NOL6: variants seen among roughly 807,000 people sequenced by gnomAD.
NOL6 encodes nucleolar protein 6.
A neutral mutation model predicts 131.7 loss-of-function variants in NOL6; 33 were observed. That is an observed-to-expected ratio of 0.25 (90% CI 0.19 to 0.33). The LOEUF (loss-of-function observed/expected upper bound fraction) is 0.33, where lower values mean the gene tolerates loss of function less well. Ranked by LOEUF, NOL6 falls within the 10% of genes least tolerant of loss-of-function variation. The probability of loss-of-function intolerance (pLI) is 1.00; values close to 1 mark genes in which losing one functional copy is unlikely to be tolerated. For missense variants in NOL6, 1,297 were observed against 1,494.5 expected, an observed-to-expected ratio of 0.87 and a Z score of 2.18; for synonymous variants, 580 against 605.7, an observed-to-expected ratio of 0.96 and a Z score of 0.62.
Position 33,463,878 on chromosome 9 carries a change from T to C in NOL6, c.2947A>G (p.Met983Val). 6.2e-7 allele frequency: 1 copy of C among 1,614,098 alleles called. No homozygotes were observed. Among genetic ancestry groups the C allele is most frequent in the Non-Finnish European group, 8.5e-7 (1 of 1,180,016 alleles). The change falls in exon 23 of 26, where the codon ATG (methionine) becomes GTG (valine). Residue 983 changes from methionine to valine, a missense_variant. Transcript: ENST00000297990. ...LVVLAAEALPMLEKQLMDPRG... is the reference protein window; with the variant it reads ...LVVLAAEALPVLEKQLMDPRG... ...GGATCCATGAGCTGCTTCTCTAACA[T>C]GGGCAGGGCTTCAGCTGCCAGGACC... is the stretch of plus-strand genomic sequence containing the variant.
Position 33,468,821 on chromosome 9 carries a change from C to A in NOL6, c.1078G>T (p.Val360Leu). Residue 360 changes from valine to leucine, a missense_variant, in exon 8 of 26, where the codon GTG becomes TTG. Transcript: ENST00000297990. ...FLVSMLVVFL[V>L]STRKIHTTMS... The stretch of plus-strand genomic sequence containing the variant: ...GTGGTATGGATCTTGCGTGTAGACA[C>A]AAGGAAGACAACCAGCATGGAGACA... The A allele has an allele frequency of 6.2e-7, 1 of 1,614,116 alleles. No individual in the cohort carries two copies. Among genetic ancestry groups the A allele is most frequent in the Non-Finnish European group, 8.5e-7 (1 of 1,179,998 alleles).
rs547472032 is a variant in NOL6 at position 33,473,880 on chromosome 9, A to T, written c.-38T>A. Reference sequence around the variant, plus strand: ...AGCACTCTCCCGCACTTCAGATTCTAGCCGGGTCTATACCTCATAGCTTCC... The same window carrying T: ...AGCACTCTCCCGCACTTCAGATTCTTGCCGGGTCTATACCTCATAGCTTCC... On this transcript the variant is annotated 5_prime_UTR_variant, in exon 1 of 26. It removes the in-frame stop codon of an upstream open reading frame in the 5' UTR. Coordinates refer to ENST00000297990, the MANE Select transcript of NOL6 (RefSeq NM_022917.5). 1.2e-6 allele frequency: 2 copies of T among 1,608,476 alleles called. No individual in the cohort carries two copies. Among genetic ancestry groups the T allele is most frequent in the African/African-American group, 2.7e-5 (2 of 75,056 alleles).
chr9:33,464,789 A>T, intron 21 of NOL6, 90 bp downstream of exon 21: 1 of 897,678 alleles, frequency 1.1e-6, no homozygotes, highest in Non-Finnish European at 1.8e-6. Flanking sequence ...GGGGAGGCAC[A>T]GAGAAAACCT....
Position 33,461,853 on chromosome 9 carries a change from G to T in NOL6, c.*811C>A. 1 of 315,206 alleles carries T rather than the reference G, an allele frequency of 3.2e-6. No individual in the cohort carries two copies. The highest frequency in any genetic ancestry group is 6.0e-6 in the Non-Finnish European group (1 of 167,524). The allele number at this position is 315,206 out of a possible 1,614,324, so 19.5% of individuals were successfully genotyped here. The stretch of plus-strand genomic sequence containing the variant: ...GCAGCATTCTCCTCCTTGGGCCCTG[G>T]GAGCTCCTGGGGAGTAAGACTTGAG... On this transcript the variant is annotated 3_prime_UTR_variant, in exon 26 of 26. Transcript: ENST00000297990.
intron 23 of NOL6, 60 bp downstream of exon 23, chr9:33,463,771 C>T (rs1326151079): frequency 1.3e-6 from 2 of 1,565,298 alleles, no homozygotes; most frequent in African/African-American, 2.7e-5. Flanking sequence ...TCCCTGAACG[C>T]TGAACTTCCA....
chr9:33,463,349 T>C lies in NOL6; in HGVS notation c.3087A>G (p.Pro1029=), dbSNP rs1827150667. ...IPRHRQAVDS[P]AASFCRGLLS... is the part of the protein sequence containing the mutation. ...GCAGGCCCCGGCAGAAGGAGGCAGCTGGCGAGTCCACAGCCTGGCGGTGCC... is the reference window on the plus strand; with the variant it reads ...GCAGGCCCCGGCAGAAGGAGGCAGCCGGCGAGTCCACAGCCTGGCGGTGCC... The change falls in exon 24 of 26, where the codon CCA becomes CCG. Residue 1029 remains proline, a synonymous_variant. Coordinates refer to ENST00000297990, the MANE Select transcript of NOL6 (RefSeq NM_022917.5). 3.1e-6 allele frequency: 5 copies of C among 1,613,928 alleles called. No individual in the cohort carries two copies. Among genetic ancestry groups the C allele is most frequent in the Non-Finnish European group, 4.2e-6 (5 of 1,179,958 alleles).
chr9:33,467,386 T>TCC lies in NOL6; in HGVS notation c.1725+6_1725+7dup. On this transcript the variant is annotated splice_region_variant and intron_variant, in intron 13 of 25. Transcript: ENST00000297990. This position sits in a 1 kb window ranked among gnomAD's most constrained non-coding sequence, Gnocchi z 4.4. Reference sequence around the variant, plus strand: ...ATTCCTTCCAGTGTACATGCTGGGGTCCCCCACCTCAGGCTGGTCTGCCTC... The same window carrying TCC: ...ATTCCTTCCAGTGTACATGCTGGGGTCCCCCCCACCTCAGGCTGGTCTGCCTC... 6.2e-7 allele frequency: 1 copy of TCC among 1,613,606 alleles called. No homozygotes were observed. The highest frequency in any genetic ancestry group is 1.1e-5 in the South Asian group (1 of 91,042).
Position 33,462,793 on chromosome 9 carries a change from G to A in NOL6, c.3312C>T (p.Arg1104=). 2.5e-6 allele frequency: 4 copies of A among 1,614,126 alleles called. No individual in the cohort carries two copies. The highest frequency in any genetic ancestry group is 3.4e-6 in the Non-Finnish European group (4 of 1,180,024). Residue 1104 remains arginine, a synonymous_variant, in exon 26 of 26, where the codon CGC becomes CGT. Transcript: ENST00000297990. The part of the protein sequence containing the change: ...QPFKASSTKG[R]MVMSRGGELV... ...GCTCCCCACCTCGAGACATCACCAT[G>A]CGCCCCTTTGTGCTGGAGGCCTGGG...
In NOL6 at chr9:33,470,006, C is replaced by T; in HGVS notation, c.558+6G>A. The stretch of plus-strand genomic sequence containing the variant: ...GGGCCTCTATCCCCTAAACCCTGGA[C>T]CTTACCCTGGGCATGGTCAGTGCCA... On this transcript the variant is annotated splice_donor_region_variant and intron_variant, in intron 4 of 25. Transcript: ENST00000297990. 1 of 1,578,496 alleles carries T rather than the reference C, an allele frequency of 6.3e-7. No homozygotes were observed. Among genetic ancestry groups the T allele is most frequent in the Non-Finnish European group, 8.6e-7 (1 of 1,157,180 alleles).
intron 3 of NOL6, 132 bp downstream of exon 3, chr9:33,471,872 T>C: frequency 1.4e-6 from 1 of 723,746 alleles, no homozygotes; most frequent in Non-Finnish European, 2.5e-6. Context: ...CGCTCCCAGC[T>C]AAGCTTCCTT....
At chr9:33,470,228 C>T in intron 3 of NOL6, 37 bp from the exon 4 acceptor site, 1 of 1,477,368 alleles carries the variant, frequency 6.8e-7, no homozygotes, top group Non-Finnish European at 9.0e-7. Context: ...ACTGATTCAA[C>T]TGCCTTCCTC....
At chr9:33,466,447 G>A (rs777954155) in intron 16 of NOL6, 22 bp from the exon 17 acceptor site, 1 of 1,613,542 alleles carries the variant, frequency 6.2e-7, no homozygotes, top group Non-Finnish European at 8.5e-7. Flanking sequence ...GAGGGGCTGA[G>A]GAATGGGCCT....
intron 23 of NOL6, 65 bp downstream of exon 23, chr9:33,463,766 G>T: frequency 1.3e-6 from 2 of 1,540,272 alleles, no homozygotes; most frequent in South Asian, 2.2e-5. Flanking sequence ...TGAGATCCCT[G>T]AACGCTGAAC....
intron 1 of NOL6, 41 bp downstream of exon 1, chr9:33,473,748 C>T (rs758468956): frequency 1.9e-6 from 3 of 1,606,100 alleles, no homozygotes; most frequent in Non-Finnish European, 1.7e-6. Flanking sequence ...GCCAAGGGAG[C>T]GCACATTGAG....
chr9:33,466,336 G>C lies in NOL6; in HGVS notation c.2181C>G (p.Pro727=). ...RSSLLPRLDK[P]CPAYVEPMTV... Reference sequence around the variant, plus strand: ...TCATGGGCTCCACGTAGGCCGGACAGGGCTTATCGAGCCGGGGCAGCAGTG... The same window carrying C: ...TCATGGGCTCCACGTAGGCCGGACACGGCTTATCGAGCCGGGGCAGCAGTG... The change falls in exon 17 of 26, where the codon CCC becomes CCG. Residue 727 remains proline (P), a synonymous_variant. Coordinates refer to ENST00000297990, the MANE Select transcript of NOL6 (RefSeq NM_022917.5). 6.2e-7 allele frequency: 1 copy of C among 1,614,224 alleles called. No individual in the cohort carries two copies. Among genetic ancestry groups the C allele is most frequent in the Non-Finnish European group, 8.5e-7 (1 of 1,180,038 alleles).
rs762735074 is a variant in NOL6, at chr9:33,467,138, T to C, written c.1850A>G (p.Gln617Arg). ...SMSQKRLIPHQVVTHLLALHA... is the reference protein window; with the variant it reads ...SMSQKRLIPHRVVTHLLALHA... Reference sequence around the variant, plus strand: ...CAGTGCCAAGAGGTGGGTGACCACCTGGTGGGGAATAAGGCGCTTCTGGGA... The same window carrying C: ...CAGTGCCAAGAGGTGGGTGACCACCCGGTGGGGAATAAGGCGCTTCTGGGA... Residue 617 changes from glutamine (Q) to arginine (R), a missense_variant, in exon 14 of 26, where the codon CAG becomes CGG. Gln to Arg is a conservative substitution (Grantham distance 43, BLOSUM62 1). Transcript: ENST00000297990. This position sits in a 1 kb window ranked among gnomAD's most constrained non-coding sequence, Gnocchi z 4.4. 1.2e-6 allele frequency: 2 copies of C among 1,614,204 alleles called. No individual in the cohort carries two copies. Among genetic ancestry groups the C allele is most frequent in the Admixed American group, 1.7e-5 (1 of 60,036 alleles).
chr9:33,469,224 T>C lies in NOL6; in HGVS notation c.845A>G (p.Gln282Arg), dbSNP rs1434722662. 1 of 1,614,246 alleles carries C rather than the reference T, an allele frequency of 6.2e-7. No individual in the cohort carries two copies. Among genetic ancestry groups the C allele is most frequent in the East Asian group, 2.2e-5 (1 of 44,886 alleles). The change falls in exon 6 of 26, where the codon CAG becomes CGG. Residue 282 changes from glutamine to arginine, a missense_variant. Physicochemically the swap from Gln to Arg is conservative, Grantham distance 43 (BLOSUM62 1). Coordinates refer to ENST00000297990, the MANE Select transcript of NOL6 (RefSeq NM_022917.5). ...CTGCTCACCATCCCCTGCAGGACTCTGCCCTCGGTACCAGGCAGAGCGCAC... is the reference window on the plus strand; with the variant it reads ...CTGCTCACCATCCCCTGCAGGACTCCGCCCTCGGTACCAGGCAGAGCGCAC... The part of the protein sequence containing the change: ...NNVRSAWYRG[Q>R]SPAGDGSPEP...
chr9:33,472,039 G>A lies in NOL6; in HGVS notation c.343C>T (p.Arg115Trp), dbSNP rs780801923. The A allele has an allele frequency of 3.1e-6, 5 of 1,612,620 alleles. No individual in the cohort carries two copies. Among genetic ancestry groups the A allele is most frequent in the African/African-American group, 1.3e-5 (1 of 74,872 alleles). ...IDAFLREVNQ[R>W]VVRVPSVPET... is the part of the protein sequence containing the mutation. ...GGGACTGAGGGCACCCTCACAACCC[G>A]CTGGTTGACCTCCCGTAGGAAGGCA... The change falls in exon 3 of 26, where the codon CGG becomes TGG. Residue 115 changes from arginine (R) to tryptophan (W), a missense_variant. Transcript: ENST00000297990.
In NOL6 at chr9:33,468,057, A is replaced by G. The variant is rs753698381; in HGVS notation, c.1397T>C (p.Met466Thr). ...FHLLLMTPKPMIRAFDHVLHL... is the reference protein window; with the variant it reads ...FHLLLMTPKPTIRAFDHVLHL... ...CAGGACATGGTCAAAAGCCCGGATC[A>G]TGGGTTTGGGAGTCATCAACAGCAG... Residue 466 changes from methionine to threonine, a missense_variant, in exon 11 of 26, where the codon ATG (methionine) becomes ACG (threonine). Physicochemically the swap from Met to Thr is moderately conservative, Grantham distance 81. Transcript: ENST00000297990. 9.9e-6 allele frequency: 16 copies of G among 1,614,036 alleles called. No homozygotes were observed. In the East Asian group the frequency reaches 3.6e-4, roughly 36 times the overall value.
Sources: allele counts gnomAD v4.1 joint callset, GRCh38; gene constraint gnomAD v4.1.1; non-coding constraint Gnocchi (gnomAD v3.1); transcripts MANE v1.5; gene names NCBI Gene and HGNC (gene_info 2026-07-23, HGNC 2026-07-21).